Variants in MECOM observed in about 807,000 individuals in gnomAD.
The protein encoded by MECOM is MDS1 and EVI1 complex locus.
MECOM carries 13 observed loss-of-function variants against 116.3 expected under a neutral mutation model. That is an observed-to-expected ratio of 0.11 (90% CI 0.07 to 0.18). MECOM has a LOEUF of 0.18. MECOM is among the 10% of genes least tolerant of loss of function. The probability of loss-of-function intolerance (pLI) is 1.00; values close to 1 mark genes in which losing one functional copy is unlikely to be tolerated. For missense variants in MECOM, 1,299 were observed against 1,509.0 expected, an observed-to-expected ratio of 0.86 and a Z score of 2.31; for synonymous variants, 528 against 535.2, an observed-to-expected ratio of 0.99 and a Z score of 0.19.
At chr3:169,184,934 C>T (rs1449894370) in intron 2 of MECOM, among the ~76,000 whole-genome samples, 4 of 152,116 alleles carry the variant, frequency 2.6e-5, no homozygotes, top group Non-Finnish European at 5.9e-5. Flanking sequence ...TTTGGCAAAT[C>T]ACTGGACATG....
chr3:169,204,873 T>G (rs1360972941), intron 2 of MECOM, among the ~76,000 whole-genome samples: 1 of 152,216 alleles, frequency 6.6e-6, no homozygotes, highest in Non-Finnish European at 1.5e-5. Flanking sequence ...GGAATTAAAG[T>G]TACATTGAGT....
At chr3:169,662,802 CCTCT>C (rs1244704811) in intron 1 of MECOM, among the ~76,000 whole-genome samples, 1 of 152,044 alleles carries the variant, frequency 6.6e-6, no homozygotes, top group Non-Finnish European at 1.5e-5. Flanking sequence ...ACTGTGGCTC[CCTCT>C]GAGCCGCCTA....
chr3:169,086,005 A>G (rs1284772743), intron 16 of MECOM, among the ~76,000 whole-genome samples: 2 of 152,210 alleles, frequency 1.3e-5, no homozygotes, highest in African/African-American at 4.8e-5. Flanking sequence ...CTGTAAACAA[A>G]GACAAAATGC....
chr3:169,232,626 T>C (rs745448658), intron 2 of MECOM, among the ~76,000 whole-genome samples: 6 of 147,212 alleles, frequency 4.1e-5, no homozygotes, highest in Non-Finnish European at 7.5e-5. Context: ...TACATAGGAA[T>C]CCAGTAACCA....
chr3:169,099,113 G>GA (rs534383915), intron 12 of MECOM, among the ~76,000 whole-genome samples: 6,567 of 99,972 alleles, frequency 0.066, 513 homozygotes, highest in African/African-American at 0.21. Context: ...CTTCTGCAAG[G>GA]AAAAAAAAAA....
At chr3:169,249,188 G>A (rs994003063) in intron 2 of MECOM, among the ~76,000 whole-genome samples, 1 of 152,082 alleles carries the variant, frequency 6.6e-6, no homozygotes, top group Admixed American at 6.6e-5. Flanking sequence ...ACGAGTGGGC[G>A]AATGAATGAA....
At chr3:169,357,176 A>G (rs1331572928) in intron 2 of MECOM, among the ~76,000 whole-genome samples, 1 of 151,902 alleles carries the variant, frequency 6.6e-6, no homozygotes, top group Non-Finnish European at 1.5e-5. Flanking sequence ...TTTGCTCTTT[A>G]TTAGGAATCC....
chr3:169,523,853 G>A (rs4350951), intron 1 of MECOM, among the ~76,000 whole-genome samples: 31,975 of 147,994 alleles, frequency 0.22, 4,183 homozygotes, highest in Non-Finnish European at 0.3. Context: ...AGGTATGTAC[G>A]TGTATGCATG....
At chr3:169,183,600 A>T (rs1270039520) in intron 2 of MECOM, among the ~76,000 whole-genome samples, 1 of 152,080 alleles carries the variant, frequency 6.6e-6, no homozygotes, top group African/African-American at 2.4e-5. Context: ...GCCAGAGGTC[A>T]TATGAACTGA....
chr3:169,227,570 G>T (rs575643314), intron 2 of MECOM, among the ~76,000 whole-genome samples: 2 of 152,234 alleles, frequency 1.3e-5, no homozygotes, highest in South Asian at 2.1e-4. Context: ...TCATGAACAG[G>T]CTTTGACCCC....
At chr3:169,422,645 CA>C (rs1739956838) in intron 1 of MECOM, among the ~76,000 whole-genome samples, 1 of 151,962 alleles carries the variant, frequency 6.6e-6, no homozygotes, top group East Asian at 1.9e-4. Flanking sequence ...AGATATAGAA[CA>C]CTAAAATTTT....
intron 1 of MECOM, among the ~76,000 whole-genome samples, chr3:169,462,493 G>C (rs567835292): frequency 1.3e-4 from 20 of 152,278 alleles, no homozygotes; most frequent in African/African-American, 4.6e-4. Context: ...TTAATCTTTA[G>C]TGTATACTAC....
rs62294295 is a variant in MECOM at position 169,370,622 on chromosome 3, A to G, written c.375+10565T>C. ...ATGGGAGAAAATATTTGCAAACCAT[A>G]TATCTGGTAAGGGGCCAATATCCAA... On this transcript the variant is annotated intron_variant, in intron 2 of 16. Coordinates refer to ENST00000651503, the MANE Select transcript of MECOM (RefSeq NM_004991.4). Among the ~76,000 whole-genome samples, 1,374 of 152,090 alleles carry G rather than the reference A, an allele frequency of 9.0e-3. 7 individuals carry two copies. Among genetic ancestry groups the G allele is most frequent in the African/African-American group, 0.016 (660 of 41,552 alleles).
chr3:169,110,023 C>T (rs1726814791), intron 9 of MECOM, among the ~76,000 whole-genome samples: 1 of 152,044 alleles, frequency 6.6e-6, no homozygotes, highest in Admixed American at 6.6e-5. Context: ...AGATATTATT[C>T]CCATTTTGAA....
At chr3:169,194,163 T>C (rs540706016) in intron 2 of MECOM, among the ~76,000 whole-genome samples, 2 of 152,156 alleles carry the variant, frequency 1.3e-5, no homozygotes, top group African/African-American at 4.8e-5. Flanking sequence ...TGCAATTTTC[T>C]GATAAAGGAC....
At chr3:169,096,051 A>G (rs1721345256) in intron 12 of MECOM, among the ~76,000 whole-genome samples, 1 of 152,062 alleles carries the variant, frequency 6.6e-6, no homozygotes, top group African/African-American at 2.4e-5. Flanking sequence ...AAAATCATAA[A>G]TTATTTTTAA....
chr3:169,211,040 T>C (rs1349716567), intron 2 of MECOM, among the ~76,000 whole-genome samples: 1 of 152,178 alleles, frequency 6.6e-6, no homozygotes, highest in Non-Finnish European at 1.5e-5. Context: ...TTGTGCAGTT[T>C]CAATGTCCTG....
chr3:169,554,227 C>T (rs1260696258), intron 1 of MECOM, among the ~76,000 whole-genome samples: 1 of 152,076 alleles, frequency 6.6e-6, no homozygotes, highest in Non-Finnish European at 1.5e-5. Context: ...AGCCTGGGTC[C>T]CTGAAAATAG....
intron 2 of MECOM, among the ~76,000 whole-genome samples, chr3:169,303,119 G>A (rs557428792): frequency 4.0e-4 from 61 of 152,200 alleles, no homozygotes; most frequent in Admixed American, 1.4e-3. Context: ...TTATGTCACC[G>A]ATCAAGAGAA....
Sources: allele counts gnomAD v4.1 joint callset (sites outside exome capture counted in the v4.1 genomes callset), GRCh38; gene constraint gnomAD v4.1.1; transcripts MANE v1.5; gene names NCBI Gene and HGNC (gene_info 2026-07-23, HGNC 2026-07-21).